Variants in PTPRG observed in about 807,000 individuals in gnomAD.
The protein encoded by PTPRG is receptor-type tyrosine-protein phosphatase gamma.
Under a neutral mutation model 165.3 loss-of-function variants are expected in PTPRG, and 102 were observed. That is an observed-to-expected ratio of 0.62 (90% CI 0.53 to 0.73). The LOEUF (loss-of-function observed/expected upper bound fraction) is 0.73, where lower values mean the gene tolerates loss of function less well. Among genes scored for constraint, PTPRG ranks in the 30% least tolerant of loss-of-function variants. The pLI is 0.00. For synonymous variants in PTPRG, 675 were observed against 669.5 expected, an observed-to-expected ratio of 1.01 and a Z score of -0.13; for missense variants, 1,866 against 1,861.4, an observed-to-expected ratio of 1.00 and a Z score of -0.05.
At chr3:62,101,151 G>C (rs1702277526) in intron 5 of PTPRG, among the ~76,000 whole-genome samples, 2 of 152,110 alleles carry the variant, frequency 1.3e-5, no homozygotes, top group African/African-American at 2.4e-5. Context: ...CTGAGTGATG[G>C]GTACGTAGGA....
At chr3:62,165,316 T>G (rs1211639922) in intron 7 of PTPRG, among the ~76,000 whole-genome samples, 2 of 152,228 alleles carry the variant, frequency 1.3e-5, no homozygotes, top group Admixed American at 6.5e-5. Context: ...AAGAAGTTAT[T>G]TTCTCTGAGA....
At chr3:62,099,413 A>G (rs1489582938) in intron 5 of PTPRG, among the ~76,000 whole-genome samples, 1 of 152,224 alleles carries the variant, frequency 6.6e-6, no homozygotes, top group Non-Finnish European at 1.5e-5. Context: ...TGTGGCCGCA[A>G]AAGTGTTGAT....
At chr3:62,132,051 G>A (rs975193625) in intron 5 of PTPRG, among the ~76,000 whole-genome samples, 5 of 152,140 alleles carry the variant, frequency 3.3e-5, no homozygotes, top group African/African-American at 4.8e-5. Flanking sequence ...AACCCCAGGA[G>A]GAAATGAAGG....
chr3:61,841,372 T>C (rs1047880510), intron 2 of PTPRG, among the ~76,000 whole-genome samples: 7 of 152,190 alleles, frequency 4.6e-5, no homozygotes, highest in Non-Finnish European at 8.8e-5. Context: ...GTTGCTCTCT[T>C]TACAGTGATT....
intron 2 of PTPRG, among the ~76,000 whole-genome samples, chr3:61,965,768 G>A (rs752736539): frequency 2.2e-4 from 33 of 152,232 alleles, no homozygotes; most frequent in Non-Finnish European, 4.3e-4. Flanking sequence ...GTTAGGTGCT[G>A]CAATTATTCT....
chr3:62,290,290 A>G (rs531294241), intron 28 of PTPRG, among the ~76,000 whole-genome samples: 1 of 152,306 alleles, frequency 6.6e-6, no homozygotes, highest in African/African-American at 2.4e-5. Context: ...ATTTCCTCAG[A>G]TCCATCTATA....
intron 1 of PTPRG, among the ~76,000 whole-genome samples, chr3:61,635,064 T>C (rs1575553461): frequency 1.3e-5 from 2 of 152,270 alleles, no homozygotes; most frequent in East Asian, 3.9e-4. Flanking sequence ...GAAGGAAAGC[T>C]GAGACCTTGT....
chr3:62,169,824 C>G (rs1185181326), intron 8 of PTPRG, among the ~76,000 whole-genome samples: 1 of 152,046 alleles, frequency 6.6e-6, no homozygotes, highest in Non-Finnish European at 1.5e-5. Context: ...GGTTTTCTTT[C>G]AAGAGTGCCC....
intron 25 of PTPRG, 120 bp downstream of exon 25, chr3:62,277,168 G>T: frequency 1.3e-6 from 1 of 775,344 alleles, no homozygotes; most frequent in Non-Finnish European, 2.1e-6. Context: ...AATATGAAAA[G>T]TATAGAGATT....
intron 4 of PTPRG, among the ~76,000 whole-genome samples, chr3:62,020,961 C>T (rs1301282416): frequency 6.6e-6 from 1 of 151,966 alleles, no homozygotes; most frequent in Non-Finnish European, 1.5e-5. Context: ...ATGTGTGAGC[C>T]ACAGCACCTG....
intron 1 of PTPRG, among the ~76,000 whole-genome samples, chr3:61,672,772 A>T (rs1703073414): frequency 1.5e-5 from 2 of 129,848 alleles, no homozygotes. Context: ...GAAGAGGGAG[A>T]GGGAGAGAGG....
chr3:61,630,431 A>G (rs1208824322), intron 1 of PTPRG, among the ~76,000 whole-genome samples: 1 of 152,228 alleles, frequency 6.6e-6, no homozygotes, highest in Admixed American at 6.5e-5. Context: ...AAACTGTAAC[A>G]TATCTGGTTA....
At position 62,281,538 on chromosome 3, in the gene PTPRG, C is replaced by CTTTTTTTTTTTGTTTTTTTTTTTTTTTT; in HGVS notation, c.3766-14_3766-13insGTTTTTTTTTTTTTTTTTTTTTTTTTTT. Reference sequence around the variant, plus strand: ...CAAATCCTTGACAGAACTGCAGAGGCTTTTTTTTTTTTTGGATTCCAAAGG... The same window carrying CTTTTTTTTTTTGTTTTTTTTTTTTTTTT: ...CAAATCCTTGACAGAACTGCAGAGGCTTTTTTTTTTTGTTTTTTTTTTTTTTTTTTTTTTTTTTTTTGGATTCCAAAGG... On this transcript the variant is annotated intron_variant, in intron 26 of 29. Transcript: ENST00000474889. The CTTTTTTTTTTTGTTTTTTTTTTTTTTTT allele has an allele frequency of 4.8e-6, 3 of 624,464 alleles. 1 individual carries two copies. The highest frequency in any genetic ancestry group is 6.2e-6 in the Non-Finnish European group (3 of 480,020). The allele number at this position is 624,464 out of a possible 1,614,324, so 38.7% of individuals were successfully genotyped here. A position where few individuals can be genotyped will look rare whatever the true frequency, so the allele number is the denominator to read the frequency against.
At chr3:61,718,005 C>CTATGG (rs2031880443) in intron 1 of PTPRG, among the ~76,000 whole-genome samples, 1 of 151,384 alleles carries the variant, frequency 6.6e-6, no homozygotes, top group Non-Finnish European at 1.5e-5. Context: ...CATGGTGAAA[C>CTATGG]CCTGTCTCTA....
At chr3:61,809,739 A>G (rs1173428800) in intron 2 of PTPRG, among the ~76,000 whole-genome samples, 1 of 152,218 alleles carries the variant, frequency 6.6e-6, no homozygotes, top group Admixed American at 6.5e-5. Flanking sequence ...AACTTGAAAC[A>G]TAAATGTGGA....
At position 62,210,817 on chromosome 3, in the gene PTPRG, T is replaced by G. The variant is rs1700341150; in HGVS notation, c.2155+6867T>G. On this transcript the variant is annotated intron_variant, in intron 12 of 29. Coordinates refer to ENST00000474889, the MANE Select transcript of PTPRG (RefSeq NM_002841.4). The surrounding 1 kb of genome is among the most constrained non-coding windows in gnomAD (Gnocchi z 4.1). The stretch of plus-strand genomic sequence containing the variant: ...TAACATTTTTTTCTAGCTTACTTTA[T>G]TGTAAGAATATAGCATATAATACAA... Among the ~76,000 whole-genome samples the G allele has an allele frequency of 6.6e-6, 1 of 152,234 alleles. No homozygotes were observed. The highest frequency in any genetic ancestry group is 1.5e-5 in the Non-Finnish European group (1 of 68,038).
intron 3 of PTPRG, among the ~76,000 whole-genome samples, chr3:61,999,428 C>T (rs142381888): frequency 7.8e-4 from 118 of 152,242 alleles, no homozygotes; most frequent in African/African-American, 2.5e-3. Context: ...AAGGCCCTGA[C>T]GCATCATACC....
chr3:62,158,941 A>G (rs1325056177), intron 7 of PTPRG, among the ~76,000 whole-genome samples: 1 of 152,202 alleles, frequency 6.6e-6, no homozygotes, highest in Non-Finnish European at 1.5e-5. Flanking sequence ...TAATAAAGTT[A>G]CAGCCCAAAT....
At chr3:62,247,204 CTTTT>C (rs1198238872) in intron 15 of PTPRG, among the ~76,000 whole-genome samples, 1 of 151,936 alleles carries the variant, frequency 6.6e-6, no homozygotes, top group Non-Finnish European at 1.5e-5. Context: ...GGTTCAGAGA[CTTTT>C]TTTTAATTTG....
Sources: gnomAD v4.1 joint callset for allele counts (sites outside exome capture counted in the v4.1 genomes callset) on GRCh38, gnomAD v4.1.1 for gene constraint, Gnocchi (gnomAD v3.1) non-coding constraint, MANE v1.5 for transcripts, NCBI Gene and HGNC (gene_info 2026-07-23, HGNC 2026-07-21) for gene names.